The following HPS5 variants were observed in gnomAD, a reference collection of about 807,000 sequenced individuals.
HPS5 encodes BLOC-2 complex member HPS5.
In HPS5, 83 loss-of-function variants were observed where a neutral mutation model predicts 128.0. The observed-to-expected ratio is 0.65, with a 90% confidence interval of 0.54 to 0.78. The LOEUF (loss-of-function observed/expected upper bound fraction) is 0.78, where lower values mean the gene tolerates loss of function less well. Ranked by LOEUF, HPS5 falls within the 30% of genes least tolerant of loss-of-function variation. HPS5 has a pLI of 0.00. For missense variants in HPS5, 1,281 were observed against 1,326.2 expected (o/e 0.97, Z 0.53); for synonymous variants, 475 against 470.2 (o/e 1.01, Z -0.13).
chr11:18,304,899 T>C (rs1862173513), intron 8 of HPS5, among the ~76,000 whole-genome samples: 1 of 152,194 alleles, frequency 6.6e-6, no homozygotes, highest in East Asian at 1.9e-4. Context: ...GTGCTGGACT[T>C]TGCACCTAAT....
intron 8 of HPS5, among the ~76,000 whole-genome samples, chr11:18,305,092 G>A (rs901016946): frequency 4.6e-5 from 7 of 152,198 alleles, no homozygotes; most frequent in African/African-American, 1.4e-4. Flanking sequence ...ACATCTGTGT[G>A]GCAGATTTTG....
intron 6 of HPS5, among the ~76,000 whole-genome samples, chr11:18,307,935 T>C (rs539571931): frequency 9.9e-5 from 15 of 152,226 alleles, no homozygotes; most frequent in Non-Finnish European, 1.8e-4. Flanking sequence ...ACTTTAGTTA[T>C]GAAATAGGTA....
At chr11:18,296,367 G>A in intron 12 of HPS5, 1 of 556,450 alleles carries the variant, frequency 1.8e-6, no homozygotes, top group Admixed American at 3.1e-5. Context: ...GTCAAAAAGG[G>A]AGTTTAGGAT....
intron 9 of HPS5, among the ~76,000 whole-genome samples, chr11:18,300,374 T>C (rs538387428): frequency 4.6e-5 from 7 of 152,096 alleles, no homozygotes; most frequent in Non-Finnish European, 1.0e-4. Context: ...GGGAAATATC[T>C]ATGGTCAATC....
intron 11 of HPS5, 31 bp from the exon 12 acceptor site, chr11:18,297,015 A>G: frequency 1.4e-6 from 2 of 1,428,566 alleles, no homozygotes; most frequent in African/African-American, 1.4e-5. Context: ...AAAAAAAAAA[A>G]AGGTAAAAAT....
At chr11:18,302,521 A>G (rs1238065433) in intron 8 of HPS5, among the ~76,000 whole-genome samples, 3 of 152,118 alleles carry the variant, frequency 2.0e-5, no homozygotes, top group Admixed American at 2.0e-4. Context: ...TTGTTGTTAA[A>G]CTTTTTGGAC....
At chr11:18,286,867 C>A in intron 18 of HPS5, 157 bp from the exon 19 acceptor site, 5 of 871,732 alleles carry the variant, frequency 5.7e-6, no homozygotes, top group Middle Eastern at 2.9e-4. Flanking sequence ...ATGCTGGTGA[C>A]CAAGCTCCAA....
intron 18 of HPS5, 81 bp from the exon 19 acceptor site, chr11:18,286,791 C>T: frequency 6.4e-7 from 1 of 1,560,242 alleles, no homozygotes; most frequent in Non-Finnish European, 8.7e-7. Flanking sequence ...TGAAGAAAAC[C>T]TGATTAAGAG....
chr11:18,305,303 A>G (rs1862217085), intron 8 of HPS5, 119 bp downstream of exon 8: 2 of 692,080 alleles, frequency 2.9e-6, no homozygotes, highest in Non-Finnish European at 5.1e-6. Flanking sequence ...TTATTTCCTA[A>G]CTTTCTATAA....
chr11:18,288,966 T>A (rs1860072402), intron 16 of HPS5, among the ~76,000 whole-genome samples: 1 of 151,884 alleles, frequency 6.6e-6, no homozygotes, highest in African/African-American at 2.4e-5. Flanking sequence ...GTAGACAGGG[T>A]CTTGCTACAT....
At position 18,317,275 on chromosome 11, in the gene HPS5, T is replaced by TGA. The variant is rs1277321675; in HGVS notation, c.108+474_108+475dup. ...CTGATAAATTTTTTTTTTTTTTTTT[T>TGA]GAGAGAGTCTTACTCTGTTGCCCAG... On this transcript the variant is annotated intron_variant, in intron 2 of 22. Coordinates refer to ENST00000349215, the MANE Select transcript of HPS5 (RefSeq NM_181507.2). Among the ~76,000 whole-genome samples the TGA allele has an allele frequency of 1.2e-4, 16 of 136,906 alleles. No homozygotes were observed. The East Asian group carries it at 1.6e-3, about 14-fold the overall frequency. 89.8% of individuals were successfully genotyped at this position (136,906 alleles called of 152,430 possible). A position where few individuals can be genotyped will look rare whatever the true frequency, so the allele number is the denominator to read the frequency against.
At chr11:18,304,471 C>G (rs968847035) in intron 8 of HPS5, among the ~76,000 whole-genome samples, 1 of 152,170 alleles carries the variant, frequency 6.6e-6, no homozygotes, top group Non-Finnish European at 1.5e-5. Flanking sequence ...CCGCCTCGGT[C>G]TCCCAAATTG....
At chr11:18,283,766 C>T in intron 21 of HPS5, 29 bp downstream of exon 21, 3 of 1,530,436 alleles carry the variant, frequency 2.0e-6, no homozygotes, top group African/African-American at 2.7e-5. Context: ...AAATTGACAA[C>T]CAAGAGTAAC....
chr11:18,279,969 C>T, intron 22 of HPS5, 27 bp from the exon 23 acceptor site: 1 of 1,608,826 alleles, frequency 6.2e-7, no homozygotes, highest in Non-Finnish European at 8.5e-7. Flanking sequence ...AAGAAACAAG[C>T]AAATTTAGTT....
Position 18,313,912 on chromosome 11 carries a change from C to CA in HPS5, c.109-1889dup, listed in dbSNP as rs58704871. Among the ~76,000 whole-genome samples, 255 of 110,724 alleles carry CA rather than the reference C, an allele frequency of 2.3e-3. 8 individuals are homozygous for CA. Among genetic ancestry groups the CA allele is most frequent in the Middle Eastern group, 5.3e-3 (1 of 188 alleles). 72.6% of individuals were successfully genotyped at this position (110,724 alleles called of 152,430 possible). A position where few individuals can be genotyped will look rare whatever the true frequency, so the allele number is the denominator to read the frequency against. Reference sequence around the variant, plus strand: ...CTGGTGACAGAGCTAGACTCCGTCTCAAAAAAAAAAAAAAAGGCCGGGTGC... The same window carrying CA: ...CTGGTGACAGAGCTAGACTCCGTCTCAAAAAAAAAAAAAAAAGGCCGGGTGC... On this transcript the variant is annotated intron_variant, in intron 2 of 22. Transcript: ENST00000349215.
chr11:18,319,795 T>A (rs182177281), intron 1 of HPS5, among the ~76,000 whole-genome samples: 2 of 152,254 alleles, frequency 1.3e-5, no homozygotes, highest in East Asian at 3.9e-4. Context: ...AGAAGTCTGG[T>A]GGAAAAGGAG....
In HPS5 at chr11:18,311,916, T is replaced by A. The variant is rs554752125; in HGVS notation, c.217A>T (p.Arg73Trp). ...GWKHRLFLSH[R>W]EGAISQVACC... ...GACAGAGCTGCCCTTAATCTTACCC[T>A]GTGTGAAAGAAAAAGCCTGTGCTTC... Residue 73 changes from arginine (R) to tryptophan (W), a missense_variant and splice_region_variant, in exon 3 of 23, where the codon AGG becomes TGG. Physicochemically the swap from Arg to Trp is moderately radical, Grantham distance 101. Transcript: ENST00000349215. 2 of 1,600,084 alleles carry A rather than the reference T, an allele frequency of 1.2e-6. No homozygotes were observed. The highest frequency in any genetic ancestry group is 4.5e-5 in the East Asian group (2 of 44,816).
At position 18,309,021 on chromosome 11, in the gene HPS5, A is replaced by G. The variant is rs1330739220; in HGVS notation, c.536T>C (p.Val179Ala). 1 of 1,613,398 alleles carries G rather than the reference A, an allele frequency of 6.2e-7. No homozygotes were observed. The highest frequency in any genetic ancestry group is 1.3e-5 in the African/African-American group (1 of 74,910). The change falls in exon 6 of 23, where the codon GTT becomes GCT. Residue 179 changes from valine to alanine, a missense_variant. Val to Ala is a moderately conservative substitution (Grantham distance 64, BLOSUM62 0). Transcript: ENST00000349215. ...VQTITTVDSC[V>A]VQLDYLDGRL... Reference sequence around the variant, plus strand: ...TCCATCCAAATAATCTAACTGTACAACACAGGAGTCAACAGTTGTGATTGT... The same window carrying G: ...TCCATCCAAATAATCTAACTGTACAGCACAGGAGTCAACAGTTGTGATTGT...
chr11:18,295,705 G>C (rs913476778), intron 13 of HPS5, among the ~76,000 whole-genome samples: 1 of 152,134 alleles, frequency 6.6e-6, no homozygotes, highest in Non-Finnish European at 1.5e-5. Context: ...CCATTAGAAA[G>C]GATCAGCTAA....
Sources: gnomAD v4.1 joint callset for allele counts (sites outside exome capture counted in the v4.1 genomes callset) on GRCh38, gnomAD v4.1.1 for gene constraint, MANE v1.5 for transcripts, NCBI Gene and HGNC (gene_info 2026-07-23, HGNC 2026-07-21) for gene names.